The following CAGE1 variants were observed in gnomAD, a reference collection of about 807,000 sequenced individuals.
CAGE1 encodes cancer antigen 1, also known as cancer-associated gene 1 protein.
Under a neutral mutation model 94.9 loss-of-function variants are expected in CAGE1, and 66 were observed. The ratio of observed to expected loss-of-function variants is 0.70; its 90% confidence interval spans 0.57 to 0.85. The LOEUF (loss-of-function observed/expected upper bound fraction) is 0.85. Among genes scored for constraint, CAGE1 ranks in the 40% least tolerant of loss-of-function variants. CAGE1 has a pLI of 0.00. For missense variants in CAGE1, 865 were observed against 950.4 expected (o/e 0.91, Z 1.18); for synonymous variants, 319 against 321.0 (o/e 0.99, Z 0.07).
intron 11 of CAGE1, chr6:7,338,735 T>A: frequency 1.5e-6 from 1 of 672,938 alleles, no homozygotes; most frequent in Admixed American, 2.3e-5. Flanking sequence ...GTCCCCAAAG[T>A]CCACTGTATC....
At chr6:7,381,034 T>C (rs1045576435) in intron 3 of CAGE1, among the ~76,000 whole-genome samples, 6 of 152,352 alleles carry the variant, frequency 3.9e-5, no homozygotes, top group African/African-American at 1.4e-4. Flanking sequence ...TATTTTACTG[T>C]GACCTTCTTA....
chr6:7,368,816 A>G lies in CAGE1; in HGVS notation c.1894-18T>C. The G allele has an allele frequency of 1.4e-6, 2 of 1,462,044 alleles. No homozygotes were observed. Among genetic ancestry groups the G allele is most frequent in the Middle Eastern group, 1.7e-4 (1 of 5,822 alleles). 90.6% of individuals were successfully genotyped at this position (1,462,044 alleles called of 1,614,324 possible). A position where few individuals can be genotyped will look rare whatever the true frequency, so the allele number is the denominator to read the frequency against. On this transcript the variant is annotated intron_variant, in intron 6 of 13. Transcript: ENST00000502583. ...ATGATGTCCTAAGGGTAAGAGTTTCAGAAGCTAGATGAAAAAGTTTTTACT... is the reference window on the plus strand; with the variant it reads ...ATGATGTCCTAAGGGTAAGAGTTTCGGAAGCTAGATGAAAAAGTTTTTACT...
chr6:7,352,816 T>C lies in CAGE1; in HGVS notation c.2369+2225A>G, dbSNP rs1759832486. On this transcript the variant is annotated intron_variant, in intron 11 of 13. Coordinates refer to ENST00000502583, the MANE Select transcript of CAGE1 (RefSeq NM_001170692.2). ...GGGAAAGGACACCCTTTTCAACAAA[T>C]GGTGCTGGGATAACTGGTTAGCTGC... is the stretch of plus-strand genomic sequence containing the variant. Among the ~76,000 whole-genome samples, 5 of 152,270 alleles carry C rather than the reference T, an allele frequency of 3.3e-5. No individual in the cohort carries two copies. The South Asian group carries it at 1.0e-3, about 32-fold the overall frequency.
chr6:7,345,053 A>G (rs563249626), intron 11 of CAGE1, among the ~76,000 whole-genome samples: 7 of 152,192 alleles, frequency 4.6e-5, no homozygotes, highest in African/African-American at 9.6e-5. Flanking sequence ...GCAGCGGCAG[A>G]TGGCTGGTGT....
chr6:7,372,664 C>A (rs1760579097), intron 5 of CAGE1, among the ~76,000 whole-genome samples: 1 of 151,944 alleles, frequency 6.6e-6, no homozygotes, highest in South Asian at 2.1e-4. Flanking sequence ...ATCTGTTTTT[C>A]TTTTTTCTTT....
At chr6:7,344,231 C>T (rs970435296) in intron 11 of CAGE1, among the ~76,000 whole-genome samples, 15 of 152,216 alleles carry the variant, frequency 9.9e-5, no homozygotes, top group South Asian at 6.2e-4. Flanking sequence ...GAGGCGCCAG[C>T]GGGAACCGGG....
chr6:7,372,363 C>A (rs1252566608), intron 5 of CAGE1, among the ~76,000 whole-genome samples: 1 of 151,490 alleles, frequency 6.6e-6, no homozygotes, highest in African/African-American at 2.4e-5. Flanking sequence ...CCCAGTTACT[C>A]CGGAGGCTGA....
chr6:7,371,180 C>T (rs188201859), intron 5 of CAGE1, among the ~76,000 whole-genome samples: 9 of 152,234 alleles, frequency 5.9e-5, no homozygotes, highest in African/African-American at 1.9e-4. Flanking sequence ...TAGAAATGCA[C>T]GTTCTCAGGC....
At chr6:7,348,938 A>C (rs189807221) in intron 11 of CAGE1, among the ~76,000 whole-genome samples, 2 of 152,362 alleles carry the variant, frequency 1.3e-5, no homozygotes, top group East Asian at 3.9e-4. Flanking sequence ...CCTGAGAATA[A>C]TCGGTGTTCC....
chr6:7,360,166 C>T (rs548198279), intron 9 of CAGE1, among the ~76,000 whole-genome samples: 2 of 152,192 alleles, frequency 1.3e-5, no homozygotes, highest in Non-Finnish European at 2.9e-5. Flanking sequence ...GATTATTGGA[C>T]CCACCCTGAC....
At chr6:7,376,589 A>G (rs1367972634) in intron 4 of CAGE1, among the ~76,000 whole-genome samples, 1 of 152,062 alleles carries the variant, frequency 6.6e-6, no homozygotes, top group Non-Finnish European at 1.5e-5. Context: ...ATTGTTATTC[A>G]TTATAAATTG....
In CAGE1 at chr6:7,381,825, G is replaced by A. The variant is rs181060156; in HGVS notation, c.284-2805C>T. Among the ~76,000 whole-genome samples, 182 of 147,976 alleles carry A rather than the reference G, an allele frequency of 1.2e-3. 1 individual carries two copies. The highest frequency in any genetic ancestry group is 2.1e-3 in the Non-Finnish European group (138 of 66,860). On this transcript the variant is annotated intron_variant, in intron 3 of 13. Transcript: ENST00000502583. ...ATTACAAGTGTGAGCCACTGTGCCC[G>A]GCCTGAATTATGTGCCTTTTTCTTT...
intron 13 of CAGE1, among the ~76,000 whole-genome samples, chr6:7,328,894 GTGTGTGTGTGTGT>G: frequency 2.2e-5 from 2 of 91,544 alleles, no homozygotes; most frequent in African/African-American, 8.7e-5. Flanking sequence ...GTGTGTGTGT[GTGTGTGTGTGTGT>G]GTGTGTGTGT....
chr6:7,342,293 G>A (rs980272768), intron 11 of CAGE1, among the ~76,000 whole-genome samples: 6 of 152,298 alleles, frequency 3.9e-5, no homozygotes, highest in African/African-American at 1.4e-4. Flanking sequence ...CACATTAAGC[G>A]ACCCAGAAGG....
intron 1 of CAGE1, among the ~76,000 whole-genome samples, chr6:7,387,745 C>G (rs542274246): frequency 6.6e-6 from 1 of 151,824 alleles, no homozygotes; most frequent in African/African-American, 2.4e-5. Flanking sequence ...CAGGGCCGAG[C>G]GCGGTGGCTC....
At position 7,389,736 on chromosome 6, in the gene CAGE1, GA is replaced by G. The variant is rs774857008; in HGVS notation, c.-559del. On this transcript the variant is annotated 5_prime_UTR_variant, in exon 1 of 14. Transcript: ENST00000502583. ...AGCCCTATACAGCGCGCCATCCAGA[GA>G]GCTCCGGACTCCCAGCTCGGCGCAG... is the stretch of plus-strand genomic sequence containing the variant. The G allele has an allele frequency of 3.0e-5, 17 of 567,046 alleles. No homozygotes were observed. Among genetic ancestry groups the G allele is most frequent in the Non-Finnish European group, 5.4e-5 (17 of 316,566 alleles). 35.1% of individuals were successfully genotyped at this position (567,046 alleles called of 1,614,324 possible). A position where few individuals can be genotyped will look rare whatever the true frequency, so the allele number is the denominator to read the frequency against.
rs143598126 is a variant in CAGE1, at chr6:7,339,664, G to A, written c.2370-5574C>T. On this transcript the variant is annotated intron_variant, in intron 11 of 13. Transcript: ENST00000502583. This position sits in a 1 kb window ranked among gnomAD's most constrained non-coding sequence, Gnocchi z 4.7. ...CTCCCACTTATGAGTGAGAACATATGATGTTTGGTTTTCCATTCCTGAGCT... is the reference window on the plus strand; with the variant it reads ...CTCCCACTTATGAGTGAGAACATATAATGTTTGGTTTTCCATTCCTGAGCT... The A allele has an allele frequency of 2.7e-4, 159 of 594,990 alleles. No individual in the cohort carries two copies. The highest frequency in any genetic ancestry group is 2.4e-3 in the African/African-American group (130 of 53,978). 36.9% of individuals were successfully genotyped at this position (594,990 alleles called of 1,614,324 possible).
At chr6:7,375,688 T>A (rs1760716854) in intron 4 of CAGE1, among the ~76,000 whole-genome samples, 1 of 152,080 alleles carries the variant, frequency 6.6e-6, no homozygotes, top group South Asian at 2.1e-4. Flanking sequence ...TGCTCTCCAA[T>A]CTGAGTAACA....
At chr6:7,371,646 A>T (rs1023598278) in intron 5 of CAGE1, among the ~76,000 whole-genome samples, 2 of 152,090 alleles carry the variant, frequency 1.3e-5, no homozygotes, top group African/African-American at 2.4e-5. Context: ...TTAGCTGGGC[A>T]TGGTGGTGTG....
Sources: allele counts gnomAD v4.1 joint callset (sites outside exome capture counted in the v4.1 genomes callset), GRCh38; gene constraint gnomAD v4.1.1; non-coding constraint Gnocchi (gnomAD v3.1); transcripts MANE v1.5; gene names NCBI Gene and HGNC (gene_info 2026-07-23, HGNC 2026-07-21).